The following DGCR2 variants were observed in gnomAD, a reference collection of about 807,000 sequenced individuals.
DGCR2 encodes DiGeorge syndrome critical region gene 2.
Under a neutral mutation model 51.6 loss-of-function variants are expected in DGCR2, and 24 were observed. That is an observed-to-expected ratio of 0.47 (90% CI 0.34 to 0.65). DGCR2 has a LOEUF of 0.65. Ranked by LOEUF, DGCR2 falls within the 30% of genes least tolerant of loss-of-function variation. The probability of loss-of-function intolerance (pLI) is 0.01; values close to 1 mark genes in which losing one functional copy is unlikely to be tolerated. For missense variants in DGCR2, 765 were observed against 772.1 expected, an observed-to-expected ratio of 0.99 and a Z score of 0.11; for synonymous variants, 340 against 315.4, an observed-to-expected ratio of 1.08 and a Z score of -0.82.
intron 2 of DGCR2, among the ~76,000 whole-genome samples, chr22:19,083,720 C>T (rs1569070536): frequency 7.2e-6 from 1 of 138,070 alleles, no homozygotes; most frequent in Non-Finnish European, 1.5e-5. Context: ...TCTCCCTCTC[C>T]CCACGGTCTC....
chr22:19,039,416 G>T (rs2082407504), intron 9 of DGCR2, among the ~76,000 whole-genome samples: 1 of 152,212 alleles, frequency 6.6e-6, no homozygotes, highest in Non-Finnish European at 1.5e-5. Flanking sequence ...TGAGGTAGGG[G>T]AGACACACTG....
chr22:19,077,133 T>C (rs1270983503), intron 2 of DGCR2, among the ~76,000 whole-genome samples: 1 of 152,216 alleles, frequency 6.6e-6, no homozygotes, highest in Non-Finnish European at 1.5e-5. Flanking sequence ...TTTTCCATTC[T>C]GTAGGCTGCC....
chr22:19,041,230 C>G lies in DGCR2; in HGVS notation c.1224G>C (p.Thr408=). 1.2e-6 allele frequency: 2 copies of G among 1,614,084 alleles called. No homozygotes were observed. The highest frequency in any genetic ancestry group is 1.1e-5 in the South Asian group (1 of 91,086). The change falls in exon 9 of 10, where the codon ACG becomes ACC. Residue 408 remains threonine (T), a synonymous_variant. Coordinates refer to ENST00000263196, the MANE Select transcript of DGCR2 (RefSeq NM_005137.3). ...CAGAAAGATGCAGCGGCGTGAGGCC[C>G]GTGCCAAACCCGTCTGGGCCGTAAT... ...GFDYGPDGFG[T]GLTPLHLSDD...
rs1293628142 is a variant in DGCR2 at position 19,064,904 on chromosome 22, G to A, written c.492C>T (p.Val164=). 5 of 1,613,796 alleles carry A rather than the reference G, an allele frequency of 3.1e-6. No individual in the cohort carries two copies. The highest frequency in any genetic ancestry group is 1.1e-5 in the South Asian group (1 of 91,090). Reference sequence around the variant, plus strand: ...CGGGCTGGTCCCATTCCTGGGCCAGGACAAAGCGCAGCTCCTGGTCAGTGG... The same window carrying A: ...CGGGCTGGTCCCATTCCTGGGCCAGAACAAAGCGCAGCTCCTGGTCAGTGG... ...TFSTDQELRF[V]LAQEWDQPER... Residue 164 remains valine, a synonymous_variant, in exon 4 of 10, where the codon GTC becomes GTT. Coordinates refer to ENST00000263196, the MANE Select transcript of DGCR2 (RefSeq NM_005137.3).
chr22:19,111,839 GT>G (rs2083317563), intron 1 of DGCR2, among the ~76,000 whole-genome samples: 1 of 132,588 alleles, frequency 7.5e-6, no homozygotes, highest in East Asian at 2.2e-4. Context: ...ACTCTTTTTT[GT>G]TTTTATTTTT....
At chr22:19,101,277 A>G (rs910530198) in intron 1 of DGCR2, among the ~76,000 whole-genome samples, 1 of 152,214 alleles carries the variant, frequency 6.6e-6, no homozygotes, top group Non-Finnish European at 1.5e-5. Context: ...ACTGTTCCCA[A>G]CAGCATTATT....
intron 1 of DGCR2, 69 bp downstream of exon 1, chr22:19,122,059 G>T (rs918349282): frequency 1.7e-6 from 2 of 1,209,468 alleles, no homozygotes; most frequent in South Asian, 4.2e-5. Flanking sequence ...GCGGGTGAAA[G>T]GAGGTCCCGG....
chr22:19,081,415 T>C lies in DGCR2; in HGVS notation c.202+7953A>G, dbSNP rs147234693. The stretch of plus-strand genomic sequence containing the variant: ...TCTATATTGTGCCATATGTCGTTTT[T>C]AGCAACTTGCTTTTAGCTGACGTTC... On this transcript the variant is annotated intron_variant, in intron 2 of 9. Transcript: ENST00000263196. Among the ~76,000 whole-genome samples the C allele has an allele frequency of 3.3e-5, 5 of 152,372 alleles. No individual in the cohort carries two copies. In the East Asian group the frequency reaches 9.6e-4, roughly 29 times the overall value.
chr22:19,103,739 TAAAAA>T (rs34046451), intron 1 of DGCR2, among the ~76,000 whole-genome samples: 2 of 78,714 alleles, frequency 2.5e-5, no homozygotes, highest in African/African-American at 5.1e-5. Flanking sequence ...AAAAAATTCT[TAAAAA>T]AAAAAAAAAA....
At chr22:19,105,373 A>C (rs1203563792) in intron 1 of DGCR2, among the ~76,000 whole-genome samples, 2 of 152,196 alleles carry the variant, frequency 1.3e-5, no homozygotes, top group African/African-American at 2.4e-5. Context: ...TAGCACAACT[A>C]AAAGACAAAA....
chr22:19,120,573 G>T (rs745540389), intron 1 of DGCR2, among the ~76,000 whole-genome samples: 23 of 152,314 alleles, frequency 1.5e-4, no homozygotes, highest in Non-Finnish European at 2.8e-4. Context: ...CAAGGAAAAA[G>T]GAGTCGGGGA....
intron 1 of DGCR2, among the ~76,000 whole-genome samples, chr22:19,113,537 A>G (rs911678667): frequency 1.3e-5 from 2 of 152,104 alleles, no homozygotes; most frequent in African/African-American, 4.8e-5. Flanking sequence ...TCTAAATACC[A>G]TCTCCCACCA....
rs773558627 is a variant in DGCR2, at chr22:19,041,064, G to A, written c.1390C>T (p.Pro464Ser). 1.5e-5 allele frequency: 24 copies of A among 1,590,108 alleles called. No individual in the cohort carries two copies. The South Asian group carries it at 2.6e-4, about 17-fold the overall frequency. Residue 464 changes from proline (P) to serine (S), a missense_variant, in exon 9 of 10, where the codon CCT becomes TCT. Pro to Ser is a moderately conservative substitution (Grantham distance 74). Around this residue, in one of 3 missense-constraint regions of DGCR2, gnomAD observed 205 missense variants for 181.4 expected, o/e 1.13. Transcript: ENST00000263196. Reference protein sequence around the residue: ...SIHPDSVFYDPADDDAFEPVE... With the variant: ...SIHPDSVFYDSADDDAFEPVE... ...TCCCTGGGGAGTCAGGCACCTGCAG[G>A]GTCATAGAACACACTGTCCGGGTGG...
At chr22:19,090,658 A>G (rs2083068144) in intron 1 of DGCR2, among the ~76,000 whole-genome samples, 1 of 152,244 alleles carries the variant, frequency 6.6e-6, no homozygotes, top group African/African-American at 2.4e-5. Context: ...GAGAAACAGA[A>G]GCACACTGTT....
chr22:19,106,198 T>TCC (rs1313211035), intron 1 of DGCR2, among the ~76,000 whole-genome samples: 1 of 152,102 alleles, frequency 6.6e-6, no homozygotes, highest in Non-Finnish European at 1.5e-5. Context: ...GCCCTGCCTA[T>TCC]CCCTCCTGAC....
At chr22:19,055,342 C>T (rs1254694257) in intron 6 of DGCR2, among the ~76,000 whole-genome samples, 1 of 152,070 alleles carries the variant, frequency 6.6e-6, no homozygotes, top group Non-Finnish European at 1.5e-5. Context: ...TCCCAGCAAC[C>T]TAGGAATAGG....
At position 19,065,069 on chromosome 22, in the gene DGCR2, T is replaced by C; in HGVS notation, c.329-2A>G. The C allele has an allele frequency of 6.2e-7, 1 of 1,613,506 alleles. No individual in the cohort carries two copies. Among genetic ancestry groups the C allele is most frequent in the East Asian group, 2.2e-5 (1 of 44,852 alleles). On this transcript the variant is annotated splice_acceptor_variant, in intron 3 of 9. Coordinates refer to ENST00000263196, the MANE Select transcript of DGCR2 (RefSeq NM_005137.3). LOFTEE classifies it high-confidence loss of function. Reference sequence around the variant, plus strand: ...CTGTCGGGCACTTCCCTAGGAAACATAAAGGACAGAAGGGGAGTTGTCCCC... The same window carrying C: ...CTGTCGGGCACTTCCCTAGGAAACACAAAGGACAGAAGGGGAGTTGTCCCC...
chr22:19,063,141 G>A (rs1221286773), intron 5 of DGCR2, 61 bp downstream of exon 5: 3 of 1,490,604 alleles, frequency 2.0e-6, no homozygotes, highest in Non-Finnish European at 2.8e-6. Flanking sequence ...GAGGAGGGGA[G>A]GCCCCGAATC....
intron 1 of DGCR2, among the ~76,000 whole-genome samples, chr22:19,093,302 G>C (rs1337589598): frequency 1.3e-5 from 2 of 151,694 alleles, no homozygotes; most frequent in African/African-American, 4.8e-5. Context: ...GGAGGTTGTG[G>C]TGAGCCGAGA....
Sources: gnomAD v4.1 joint callset for allele counts (sites outside exome capture counted in the v4.1 genomes callset) on GRCh38, gnomAD v4.1.1 for gene constraint, gnomAD v4.1.1 regional missense constraint, MANE v1.5 for transcripts, NCBI Gene and HGNC (gene_info 2026-07-23, HGNC 2026-07-21) for gene names.